The following FSAF1 variants were observed in gnomAD, a reference collection of about 807,000 sequenced individuals.
The protein encoded by FSAF1 is 40S small subunit processome assembly factor 1.
chr1:231,235,863 G>A, the FSAF1 span, among the ~76,000 whole-genome samples: 1 of 152,144 alleles, frequency 6.6e-6, no homozygotes, highest in Non-Finnish European at 1.5e-5. Context: ...ATGAAAACCT[G>A]CTTCAATGCA....
chr1:231,235,839 TC>T, the FSAF1 span, among the ~76,000 whole-genome samples: 1 of 152,138 alleles, frequency 6.6e-6, no homozygotes, highest in Non-Finnish European at 1.5e-5. Context: ...GTGGCCAAGT[TC>T]CGAGATGACC....
the FSAF1 span, chr1:231,238,442 T>C: frequency 6.1e-6 from 1 of 163,572 alleles, no homozygotes; most frequent in Non-Finnish European, 1.3e-5. Context: ...TCAGCAGGCC[T>C]GTGTTTACCA....
At chr1:231,223,884 C>CA in the FSAF1 span, 1 of 156,508 alleles carries the variant, frequency 6.4e-6, no homozygotes, top group African/African-American at 2.4e-5. Context: ...TTGGTTCTTT[C>CA]ATGATATCAT....
the FSAF1 span, chr1:231,229,356 A>T: frequency 2.1e-6 from 1 of 484,398 alleles, no homozygotes; most frequent in Non-Finnish European, 3.7e-6. Context: ...GAAAATAACA[A>T]GTGTTGGCAA....
At chr1:231,235,762 C>G in the FSAF1 span, among the ~76,000 whole-genome samples, 1 of 152,128 alleles carries the variant, frequency 6.6e-6, no homozygotes, top group African/African-American at 2.4e-5. Context: ...ATGATCACAC[C>G]ACTGCATTCC....
chr1:231,234,654 A>G, the FSAF1 span, among the ~76,000 whole-genome samples: 1 of 152,210 alleles, frequency 6.6e-6, no homozygotes, highest in Non-Finnish European at 1.5e-5. The surrounding 1 kb of genome is among the most constrained non-coding windows in gnomAD (Gnocchi z 4.0). Context: ...CCCTTGCATG[A>G]AATTCTTTGG....
At chr1:231,239,219 A>C in the FSAF1 span, 2 of 1,502,076 alleles carry the variant, frequency 1.3e-6, no homozygotes, top group Non-Finnish European at 1.8e-6. Context: ...AGGAAAATAA[A>C]TATTTTCAGT....
the FSAF1 span, chr1:231,229,012 A>C: frequency 3.8e-6 from 2 of 524,700 alleles, no homozygotes; most frequent in African/African-American, 4.0e-5. Flanking sequence ...GTTAATTTTT[A>C]TAATACCTAA....
chr1:231,228,928 G>A, the FSAF1 span, among the ~76,000 whole-genome samples: 2 of 152,208 alleles, frequency 1.3e-5, no homozygotes, highest in Admixed American at 1.3e-4. Flanking sequence ...GGCAGAGGTT[G>A]CAGTGATCTG....
the FSAF1 span, chr1:231,238,649 G>A: frequency 1.0e-4 from 51 of 493,156 alleles, no homozygotes; most frequent in Non-Finnish European, 1.5e-4. Context: ...TTTCACTGGA[G>A]GTCTAGAACT....
chr1:231,231,523 C>T, the FSAF1 span, among the ~76,000 whole-genome samples: 317 of 152,050 alleles, frequency 2.1e-3, 2 homozygotes, highest in African/African-American at 7.3e-3. Flanking sequence ...TTTTTTGAGA[C>T]GGGGTCTCAC....
At chr1:231,225,507 A>G in the FSAF1 span, 2 of 1,613,546 alleles carry the variant, frequency 1.2e-6, no homozygotes. Context: ...TTTCTTGAAA[A>G]TATCTGTTTC....
the FSAF1 span, chr1:231,224,547 A>C: frequency 7.4e-6 from 6 of 811,674 alleles, no homozygotes; most frequent in Non-Finnish European, 1.1e-5. Flanking sequence ...CCCACCCCAT[A>C]CGCCTTCCTG....
chr1:231,237,618 G>C, the FSAF1 span: 3 of 152,236 alleles, frequency 2.0e-5, no homozygotes, highest in African/African-American at 7.2e-5. Context: ...CAGAGGCAAA[G>C]GATTCTCCCC....
chr1:231,224,103 C>A, the FSAF1 span: 2 of 698,152 alleles, frequency 2.9e-6, no homozygotes, highest in Admixed American at 3.6e-5. Flanking sequence ...ACGTTCAGCA[C>A]CATGAAGCAG....
chr1:231,224,227 C>G, the FSAF1 span: 4 of 1,568,680 alleles, frequency 2.5e-6, no homozygotes, highest in South Asian at 3.6e-5. Flanking sequence ...GGGTCCAGGG[C>G]CGCTGCAGTT....
the FSAF1 span, chr1:231,225,407 T>C: frequency 6.7e-7 from 1 of 1,495,036 alleles, no homozygotes; most frequent in Non-Finnish European, 9.3e-7. Context: ...AAGGCGTCCT[T>C]GTCAGAACTC....
the FSAF1 span, among the ~76,000 whole-genome samples, chr1:231,233,055 TAAG>T: frequency 4.6e-5 from 7 of 152,160 alleles, no homozygotes; most frequent in Non-Finnish European, 8.8e-5. Flanking sequence ...GGCGTAAAAG[TAAG>T]AAGAGGCACT....
the FSAF1 span, chr1:231,226,816 T>C: frequency 3.3e-5 from 53 of 1,606,616 alleles, no homozygotes; most frequent in Non-Finnish European, 4.5e-5. Context: ...ACATAACTCT[T>C]TTTAGGAGGC....
Sources: allele counts gnomAD v4.1 joint callset (sites outside exome capture counted in the v4.1 genomes callset), GRCh38; gene constraint gnomAD v4.1.1; non-coding constraint Gnocchi (gnomAD v3.1); transcripts MANE v1.5; gene names NCBI Gene and HGNC (gene_info 2026-07-23, HGNC 2026-07-21).